Variants in MARK2 observed in about 807,000 individuals in gnomAD.
MARK2 encodes the protein serine/threonine-protein kinase MARK2.
A neutral mutation model predicts 89.8 loss-of-function variants in MARK2; 16 were observed. The observed-to-expected ratio is 0.18, with a 90% CI of 0.12 to 0.27. The LOEUF (loss-of-function observed/expected upper bound fraction) is 0.27. Among genes scored for constraint, MARK2 ranks in the 10% least tolerant of loss-of-function variants. The pLI is 1.00. For synonymous variants in MARK2, 382 were observed against 399.5 expected, an observed-to-expected ratio of 0.96 and a Z score of 0.52; for missense variants, 621 against 1,049.9, an observed-to-expected ratio of 0.59 and a Z score of 5.65.
intron 1 of MARK2, chr11:63,868,812 T>C (rs1265413052): frequency 1.5e-5 from 7 of 456,090 alleles, no homozygotes; most frequent in African/African-American, 1.4e-4. Flanking sequence ...AGAGATCATG[T>C]GGTCTGTCAG....
chr11:63,864,510 T>G (rs972863010), intron 1 of MARK2, among the ~76,000 whole-genome samples: 1 of 152,040 alleles, frequency 6.6e-6, no homozygotes, highest in African/African-American at 2.4e-5. Context: ...TCTGCCTGCC[T>G]CAGCCTCCCA....
intron 1 of MARK2, among the ~76,000 whole-genome samples, chr11:63,847,094 G>T (rs953789780): frequency 6.6e-6 from 1 of 152,216 alleles, no homozygotes; most frequent in Non-Finnish European, 1.5e-5. Context: ...CTGCATTCCA[G>T]CCTGGGCAAC....
At chr11:63,878,124 A>G (rs1938875508) in intron 1 of MARK2, among the ~76,000 whole-genome samples, 1 of 152,144 alleles carries the variant, frequency 6.6e-6, no homozygotes, top group Admixed American at 6.5e-5. Context: ...TGTAAAGAGC[A>G]TTTGCCCCTG....
At position 63,902,950 on chromosome 11, in the gene MARK2, G is replaced by C; in HGVS notation, c.1417-111G>C. 9.0e-7 allele frequency: 1 copy of C among 1,107,316 alleles called. No homozygotes were observed. 68.6% of individuals were successfully genotyped at this position (1,107,316 alleles called of 1,614,324 possible). A position where few individuals can be genotyped will look rare whatever the true frequency, so the allele number is the denominator to read the frequency against. On this transcript the variant is annotated intron_variant, in intron 13 of 18. Coordinates refer to ENST00000402010, the MANE Select transcript of MARK2 (RefSeq NM_001039469.3). The surrounding 1 kb of genome is among the most constrained non-coding windows in gnomAD (Gnocchi z 4.2). ...AGAATCCTTTCCTTAACCTACCACTGTCTGCTTCAGGTGGAAGGGACAGGA... is the reference window on the plus strand; with the variant it reads ...AGAATCCTTTCCTTAACCTACCACTCTCTGCTTCAGGTGGAAGGGACAGGA...
chr11:63,908,237 T>C, intron 17 of MARK2, 23 bp from the exon 18 acceptor site: 2 of 1,553,152 alleles, frequency 1.3e-6, no homozygotes, highest in Non-Finnish European at 1.7e-6. Flanking sequence ...AGCACTAAAC[T>C]CTCCCTCGCT....
At chr11:63,841,426 G>T (rs1184703691) in intron 1 of MARK2, among the ~76,000 whole-genome samples, 1 of 152,160 alleles carries the variant, frequency 6.6e-6, no homozygotes, top group Non-Finnish European at 1.5e-5. Flanking sequence ...TTTGGCAGCT[G>T]GTTCTGCATG....
chr11:63,888,533 C>T, intron 1 of MARK2: 2 of 1,021,282 alleles, frequency 2.0e-6, no homozygotes, highest in South Asian at 3.4e-5. Flanking sequence ...AAACCCGCCT[C>T]TTTCTCTGTC....
intron 1 of MARK2, among the ~76,000 whole-genome samples, chr11:63,861,160 G>A (rs1937748161): frequency 6.6e-6 from 1 of 152,146 alleles, no homozygotes; most frequent in South Asian, 2.1e-4. Context: ...TTCGGGTTGG[G>A]TGCAGTGGCT....
intron 1 of MARK2, among the ~76,000 whole-genome samples, chr11:63,853,844 C>T (rs181096749): frequency 1.2e-4 from 18 of 151,334 alleles, no homozygotes; most frequent in Non-Finnish European, 1.6e-4. Flanking sequence ...TTTTTATTTA[C>T]TTATTTATTT....
At chr11:63,842,044 C>G (rs1413868646) in intron 1 of MARK2, among the ~76,000 whole-genome samples, 1 of 152,080 alleles carries the variant, frequency 6.6e-6, no homozygotes, top group East Asian at 1.9e-4. Flanking sequence ...TATTAATTAC[C>G]CATCCTATTT....
chr11:63,896,068 G>A (rs953744166), intron 3 of MARK2, among the ~76,000 whole-genome samples: 2 of 152,050 alleles, frequency 1.3e-5, no homozygotes, highest in East Asian at 1.9e-4. Flanking sequence ...TGGCCATTTC[G>A]CTCACCGTCC....
At chr11:63,845,159 G>A (rs996438707) in intron 1 of MARK2, among the ~76,000 whole-genome samples, 1 of 152,132 alleles carries the variant, frequency 6.6e-6, no homozygotes, top group African/African-American at 2.4e-5. Flanking sequence ...TGCCTGATGA[G>A]GCTTTCCTAC....
intron 1 of MARK2, among the ~76,000 whole-genome samples, chr11:63,887,638 C>G (rs894010230): frequency 2.0e-5 from 3 of 152,158 alleles, no homozygotes; most frequent in Non-Finnish European, 4.4e-5. Context: ...TGAGAGGGAG[C>G]CTAGCCTAGA....
chr11:63,883,269 T>C (rs1050692275), intron 1 of MARK2, among the ~76,000 whole-genome samples: 1 of 152,182 alleles, frequency 6.6e-6, no homozygotes, highest in East Asian at 1.9e-4. Flanking sequence ...ATGGGCACCA[T>C]GTCATTCAGC....
intron 7 of MARK2, among the ~76,000 whole-genome samples, 190 bp from the exon 8 acceptor site, chr11:63,899,684 A>G (rs1940711037): frequency 1.3e-5 from 2 of 152,242 alleles, no homozygotes; most frequent in Middle Eastern, 3.4e-3. Context: ...CCACGTGAGG[A>G]GTGGCCTGCA....
chr11:63,868,607 A>T (rs750835736), intron 1 of MARK2: 5 of 353,498 alleles, frequency 1.4e-5, no homozygotes, highest in Non-Finnish European at 2.8e-5. Flanking sequence ...ACTGCTGAGG[A>T]AATCGTCTGG....
chr11:63,900,735 G>A lies in MARK2; in HGVS notation c.889-45G>A. 1 of 1,613,816 alleles carries A rather than the reference G, an allele frequency of 6.2e-7. No individual in the cohort carries two copies. The highest frequency in any genetic ancestry group is 8.5e-7 in the Non-Finnish European group (1 of 1,179,694). The stretch of plus-strand genomic sequence containing the variant: ...CTGGGGTCCCCACAGAAACTTTCCA[G>A]CTGAGTTTCTTCCCCCTGCCCTTTT... On this transcript the variant is annotated intron_variant, in intron 9 of 18. Coordinates refer to ENST00000402010, the MANE Select transcript of MARK2 (RefSeq NM_001039469.3). The surrounding 1 kb of genome is among the most constrained non-coding windows in gnomAD (Gnocchi z 4.7).
intron 1 of MARK2, among the ~76,000 whole-genome samples, chr11:63,859,483 G>T (rs1937625423): frequency 6.6e-6 from 1 of 151,770 alleles, no homozygotes; most frequent in African/African-American, 2.4e-5. Context: ...AGTATACCCG[G>T]TTAATTTTTG....
intron 1 of MARK2, among the ~76,000 whole-genome samples, chr11:63,892,448 C>A (rs1038885901): frequency 6.6e-6 from 1 of 152,072 alleles, no homozygotes; most frequent in African/African-American, 2.4e-5. Context: ...TGGACAGTTC[C>A]TTGGGTAGTA....
Sources: gnomAD v4.1 joint callset for allele counts (sites outside exome capture counted in the v4.1 genomes callset) on GRCh38, gnomAD v4.1.1 for gene constraint, Gnocchi (gnomAD v3.1) non-coding constraint, MANE v1.5 for transcripts, NCBI Gene and HGNC (gene_info 2026-07-23, HGNC 2026-07-21) for gene names.